Variants in P2RX1 observed in about 807,000 individuals in gnomAD.
The protein encoded by P2RX1 is P2X purinoceptor 1.
Under a neutral mutation model 50.3 loss-of-function variants are expected in P2RX1, and 42 were observed. The observed-to-expected ratio is 0.83, with a 90% CI of 0.65 to 1.08. The LOEUF is 1.08. Ranked by LOEUF, P2RX1 falls within the 50% of genes least tolerant of loss-of-function variation. The pLI is 0.00. For synonymous variants in P2RX1, 199 were observed against 202.6 expected (o/e 0.98, Z 0.15); for missense variants, 449 against 529.0 (o/e 0.85, Z 1.48).
rs1567651829 is a variant in P2RX1, at chr17:3,903,354, G to A, written c.606-11C>T. On this transcript the variant is annotated splice_polypyrimidine_tract_variant and intron_variant, in intron 6 of 11. Coordinates refer to ENST00000225538, the MANE Select transcript of P2RX1 (RefSeq NM_002558.4). The surrounding 1 kb of genome is among the most constrained non-coding windows in gnomAD (Gnocchi z 4.6). ...TCCACCAGGTTGCGCCTGTGGGGGTGGAAGGTGTTGACAGCTGCTGTGTGT... is the reference window on the plus strand; with the variant it reads ...TCCACCAGGTTGCGCCTGTGGGGGTAGAAGGTGTTGACAGCTGCTGTGTGT... 1.2e-6 allele frequency: 2 copies of A among 1,613,872 alleles called. No individual in the cohort carries two copies. The highest frequency in any genetic ancestry group is 8.5e-7 in the Non-Finnish European group (1 of 1,180,026).
rs79179260 is a variant in P2RX1, at chr17:3,904,614, C to T, written c.358-215G>A. 1.8e-3 allele frequency: 1,157 copies of T among 632,502 alleles called. 13 individuals are homozygous for T. The African/African-American group carries it at 0.019, about 10-fold the overall frequency. The allele number at this position is 632,502 out of a possible 1,614,324, so 39.2% of individuals were successfully genotyped here. A position where few individuals can be genotyped will look rare whatever the true frequency, so the allele number is the denominator to read the frequency against. On this transcript the variant is annotated intron_variant, in intron 3 of 11. Transcript: ENST00000225538. ...ATGCCCAGCTGCCCACTGCCAATGT[C>T]AGCTGGGCGGTGGGGGTGGGCACGA...
rs1695012691 is a variant in P2RX1, at chr17:3,916,083, A to G, written c.137+6T>C. The G allele has an allele frequency of 6.2e-7, 1 of 1,612,974 alleles. No homozygotes were observed. The highest frequency in any genetic ancestry group is 1.3e-5 in the African/African-American group (1 of 74,850). On this transcript the variant is annotated splice_donor_region_variant and intron_variant, in intron 1 of 11. Transcript: ENST00000225538. ...GGTGCAGGCAGCGGGAGGCGCCCGGACTCACCCGATGACGTAGACCAGGAC... is the reference window on the plus strand; with the variant it reads ...GGTGCAGGCAGCGGGAGGCGCCCGGGCTCACCCGATGACGTAGACCAGGAC...
chr17:3,915,950 G>T, intron 1 of P2RX1, 139 bp downstream of exon 1: 1 of 1,034,382 alleles, frequency 9.7e-7, no homozygotes, highest in Non-Finnish European at 1.5e-6. Flanking sequence ...TTCTATTCTC[G>T]CACAGTGGCT....
chr17:3,904,456 C>A (rs945831162), intron 3 of P2RX1, 57 bp from the exon 4 acceptor site: 1 of 1,473,706 alleles, frequency 6.8e-7, no homozygotes. Context: ...CTGAGAAGAG[C>A]CCCTCTCCCC....
rs1207332648 is a variant in P2RX1, at chr17:3,897,551, G to C, written c.*263C>G. On this transcript the variant is annotated 3_prime_UTR_variant, in exon 12 of 12. Coordinates refer to ENST00000225538, the MANE Select transcript of P2RX1 (RefSeq NM_002558.4). ...GAAGCTAGGGTGCAGGTGTGTGGGAGGGTCCTGCCCAGCCCCAGCCATTCC... is the reference window on the plus strand; with the variant it reads ...GAAGCTAGGGTGCAGGTGTGTGGGACGGTCCTGCCCAGCCCCAGCCATTCC... The C allele has an allele frequency of 3.5e-6, 2 of 575,418 alleles. No homozygotes were observed. The highest frequency in any genetic ancestry group is 1.9e-5 in the African/African-American group (1 of 53,436). 35.6% of individuals were successfully genotyped at this position (575,418 alleles called of 1,614,324 possible). A position where few individuals can be genotyped will look rare whatever the true frequency, so the allele number is the denominator to read the frequency against.
At chr17:3,901,334 T>C (rs1240613802) in intron 7 of P2RX1, among the ~76,000 whole-genome samples, 1 of 152,258 alleles carries the variant, frequency 6.6e-6, no homozygotes, top group Non-Finnish European at 1.5e-5. Flanking sequence ...CCCAAAGTGC[T>C]GGGATTACAG....
chr17:3,904,219 G>T, intron 4 of P2RX1, 111 bp downstream of exon 4: 1 of 1,187,416 alleles, frequency 8.4e-7, no homozygotes, highest in Non-Finnish European at 1.2e-6. Flanking sequence ...CCCGGAGGCC[G>T]CCTCGGCGGG....
At chr17:3,905,194 G>C (rs781597610) in intron 2 of P2RX1, 26 bp downstream of exon 2, 2 of 1,609,482 alleles carry the variant, frequency 1.2e-6, no homozygotes, top group Non-Finnish European at 1.7e-6. Flanking sequence ...CCTGTGAGGG[G>C]AAGGTGCAAA....
At chr17:3,901,761 CGCCAGGCA>C (rs1226011586) in intron 7 of P2RX1, among the ~76,000 whole-genome samples, 2 of 152,140 alleles carry the variant, frequency 1.3e-5, no homozygotes, top group African/African-American at 4.8e-5. Flanking sequence ...GCTTCCCACG[CGCCAGGCA>C]GCGAGGCACG....
intron 1 of P2RX1, among the ~76,000 whole-genome samples, chr17:3,910,514 A>T (rs890405228): frequency 6.6e-6 from 1 of 152,250 alleles, no homozygotes; most frequent in Admixed American, 6.5e-5. Flanking sequence ...CTCGGCTTTC[A>T]TCTAAGGACC....
chr17:3,899,704 G>A lies in P2RX1; in HGVS notation c.805C>T (p.His269Tyr). The change falls in exon 8 of 12, where the codon CAC becomes TAC. Residue 269 changes from histidine (H) to tyrosine (Y), a missense_variant. Coordinates refer to ENST00000225538, the MANE Select transcript of P2RX1 (RefSeq NM_002558.4). ...WHCDLDWHVR[H>Y]CRPIYEFHGL... ...TGGAACTCATAGATGGGTCTGCAGTGCCGTACGTGCCAGTCCAGGTCACAG... is the reference window on the plus strand; with the variant it reads ...TGGAACTCATAGATGGGTCTGCAGTACCGTACGTGCCAGTCCAGGTCACAG... 6.2e-7 allele frequency: 1 copy of A among 1,613,998 alleles called. No individual in the cohort carries two copies. Among genetic ancestry groups the A allele is most frequent in the Non-Finnish European group, 8.5e-7 (1 of 1,179,914 alleles).
In P2RX1 at chr17:3,916,378, G is replaced by C; in HGVS notation, c.-153C>G. On this transcript the variant is annotated 5_prime_UTR_variant, in exon 1 of 12. Coordinates refer to ENST00000225538, the MANE Select transcript of P2RX1 (RefSeq NM_002558.4). ...CGGTGCAGGTGGAGCCAGAGGACAG[G>C]AGCCAGAGGTCAGCTGGAGGCACTT... 1 of 799,366 alleles carries C rather than the reference G, an allele frequency of 1.3e-6. No homozygotes were observed. The highest frequency in any genetic ancestry group is 2.0e-6 in the Non-Finnish European group (1 of 505,636). 49.5% of individuals were successfully genotyped at this position (799,366 alleles called of 1,614,324 possible).
At chr17:3,898,821 C>T in intron 9 of P2RX1, 113 bp downstream of exon 9, 3 of 888,286 alleles carry the variant, frequency 3.4e-6, no homozygotes, top group Non-Finnish European at 5.8e-6. Flanking sequence ...AGAAGTAAAA[C>T]TGCTGGATGA....
In P2RX1 at chr17:3,903,178, C is replaced by G; in HGVS notation, c.747+24G>C. 6.2e-7 allele frequency: 1 copy of G among 1,613,850 alleles called. No individual in the cohort carries two copies. Among genetic ancestry groups the G allele is most frequent in the Middle Eastern group, 1.6e-4 (1 of 6,062 alleles). On this transcript the variant is annotated intron_variant, in intron 7 of 11. Transcript: ENST00000225538. The surrounding 1 kb of genome is among the most constrained non-coding windows in gnomAD (Gnocchi z 4.6). ...GGATCCTGCGGCCCAGCCCTCCCCA[C>G]GTGCCTGGCACCATGCTCCATACCT...
chr17:3,897,946 C>G lies in P2RX1; in HGVS notation c.1134+63G>C, dbSNP rs2056062524. The stretch of plus-strand genomic sequence containing the variant: ...TGGGGAAGCAGCTGCCCACGCCCCC[C>G]ACCCCAACACAGACACAAGCGCCGG... On this transcript the variant is annotated intron_variant, in intron 11 of 11. Transcript: ENST00000225538. 5.0e-6 allele frequency: 8 copies of G among 1,608,716 alleles called. No individual in the cohort carries two copies. The Admixed American group carries it at 1.0e-4, about 20-fold the overall frequency.
At chr17:3,913,882 C>A (rs1289064295) in intron 1 of P2RX1, among the ~76,000 whole-genome samples, 1 of 152,072 alleles carries the variant, frequency 6.6e-6, no homozygotes, top group Admixed American at 6.6e-5. Flanking sequence ...TCCCCTGCAA[C>A]CCGTGCCCCA....
chr17:3,899,147 G>A (rs964802471), intron 8 of P2RX1, 123 bp from the exon 9 acceptor site: 19 of 739,262 alleles, frequency 2.6e-5, no homozygotes, highest in African/African-American at 1.6e-4. Context: ...CCCCAACACC[G>A]GGCAGGATCC....
At chr17:3,904,290 GC>G (rs912263604) in intron 4 of P2RX1, 39 bp downstream of exon 4, 3 of 1,585,780 alleles carry the variant, frequency 1.9e-6, no homozygotes, top group Non-Finnish European at 2.6e-6. Flanking sequence ...AGGGACCGCA[GC>G]CGGGGGACTG....
Position 3,897,604 on chromosome 17 carries a change from G to C in P2RX1, c.*210C>G, listed in dbSNP as rs1246077781. ...ACCAGGAGCGGCTGAGGCTAGGGTA[G>C]GGCTCCCTCAGGGTGTGTGGGGTCG... On this transcript the variant is annotated 3_prime_UTR_variant, in exon 12 of 12. Coordinates refer to ENST00000225538, the MANE Select transcript of P2RX1 (RefSeq NM_002558.4). 3.3e-6 allele frequency: 2 copies of C among 614,906 alleles called. No homozygotes were observed. The highest frequency in any genetic ancestry group is 5.9e-6 in the Non-Finnish European group (2 of 340,418). 38.1% of individuals were successfully genotyped at this position (614,906 alleles called of 1,614,324 possible).
Sources: gnomAD v4.1 joint callset for allele counts (sites outside exome capture counted in the v4.1 genomes callset) on GRCh38, gnomAD v4.1.1 for gene constraint, Gnocchi (gnomAD v3.1) non-coding constraint, MANE v1.5 for transcripts, NCBI Gene and HGNC (gene_info 2026-07-23, HGNC 2026-07-21) for gene names.